Variants in CFLAR observed in about 807,000 individuals in gnomAD.
CFLAR encodes the protein CASP8 and FADD like apoptosis regulator.
A neutral mutation model predicts 51.1 loss-of-function variants in CFLAR; 14 were observed. The ratio of observed to expected loss-of-function variants is 0.27; its 90% CI spans 0.18 to 0.43. The LOEUF (loss-of-function observed/expected upper bound fraction) is 0.43. Among genes scored for constraint, CFLAR ranks in the 20% least tolerant of loss-of-function variants. CFLAR has a pLI of 1.00. For synonymous variants in CFLAR, 210 were observed against 211.6 expected (o/e 0.99, Z 0.06); for missense variants, 390 against 566.5 (o/e 0.69, Z 3.16).
rs534864335 is a variant in CFLAR, at chr2:201,176,244, G to C, written c.*12271G>C. On this transcript the variant is annotated 3_prime_UTR_variant, in exon 10 of 10. Coordinates refer to ENST00000309955, the MANE Select transcript of CFLAR (RefSeq NM_003879.7). ...TTCCCCACTCCTGAGATCTTTTTGA[G>C]AAGCTGATGATCAGTCTCAGGTGTT... The C allele has an allele frequency of 7.5e-6, 1 of 133,730 alleles. No individual in the cohort carries two copies. The highest frequency in any genetic ancestry group is 1.6e-5 in the Non-Finnish European group (1 of 64,238). 8.3% of individuals were successfully genotyped at this position (133,730 alleles called of 1,614,324 possible).
chr2:201,140,634 T>C (rs1427519928), intron 5 of CFLAR, 195 bp downstream of exon 5: 4 of 518,970 alleles, frequency 7.7e-6, no homozygotes, highest in East Asian at 7.0e-5. Context: ...TTGGAGACTA[T>C]AGAGAAAGAT....
chr2:201,151,013 A>G (rs990059252), intron 8 of CFLAR: 2 of 152,228 alleles, frequency 1.3e-5, no homozygotes, highest in Non-Finnish European at 2.9e-5. Context: ...TTCACATATT[A>G]TCACATGCCC....
At chr2:201,147,234 A>G (rs963159860) in intron 6 of CFLAR, among the ~76,000 whole-genome samples, 1 of 152,184 alleles carries the variant, frequency 6.6e-6, no homozygotes, top group Non-Finnish European at 1.5e-5. Flanking sequence ...CTAATAAAAG[A>G]AAAAGGTTTC....
intron 1 of CFLAR, among the ~76,000 whole-genome samples, chr2:201,128,269 T>C (rs574422432): frequency 6.6e-6 from 1 of 152,346 alleles, no homozygotes; most frequent in East Asian, 1.9e-4. Context: ...AAAGCACTGT[T>C]GGCCTGCGAG....
intron 8 of CFLAR, among the ~76,000 whole-genome samples, chr2:201,155,637 T>C (rs1481929864): frequency 1.3e-5 from 2 of 151,934 alleles, no homozygotes; most frequent in Admixed American, 1.3e-4. Flanking sequence ...TTCCTTTTCT[T>C]TTTTGAGACA....
Position 201,133,131 on chromosome 2 carries a change from G to A in CFLAR, c.384G>A (p.Glu128=). The A allele has an allele frequency of 6.2e-7, 1 of 1,611,420 alleles. No individual in the cohort carries two copies. Among genetic ancestry groups the A allele is most frequent in the Non-Finnish European group, 8.5e-7 (1 of 1,177,538 alleles). ...DYMGRGKISK[E]KSFLDLVVEL... is the part of the protein sequence containing the mutation. ...TGGGCCGAGGCAAGATAAGCAAGGA[G>A]AAGGTGAGTTTTCTTCTTTTGGTTC... The change falls in exon 3 of 10, where the codon GAG becomes GAA. Residue 128 remains glutamate, a synonymous_variant. Coordinates refer to ENST00000309955, the MANE Select transcript of CFLAR (RefSeq NM_003879.7).
intron 1 of CFLAR, among the ~76,000 whole-genome samples, chr2:201,126,537 G>A (rs2048734557): frequency 6.6e-6 from 1 of 152,218 alleles, no homozygotes; most frequent in Admixed American, 6.5e-5. Flanking sequence ...AAGGCTAAGT[G>A]ATTAAAGGAA....
intron 4 of CFLAR, chr2:201,137,597 G>A: frequency 1.3e-6 from 1 of 746,616 alleles, no homozygotes; most frequent in Non-Finnish European, 2.5e-6. Context: ...TCTCAAACTT[G>A]AGCTCCCCTG....
Position 201,145,380 on chromosome 2 carries a change from C to G in CFLAR, c.609C>G (p.Leu203=). 5 of 1,600,268 alleles carry G rather than the reference C, an allele frequency of 3.1e-6. No homozygotes were observed. The highest frequency in any genetic ancestry group is 4.3e-6 in the Non-Finnish European group (5 of 1,168,076). ...SLKDPSNNFR[L]HNGRSKEQRL... ...GACCTTATTCTTTGTATTTGAAGCT[C>G]CATAATGGGAGAAGTAAAGAACAAA... The change falls in exon 6 of 10, where the codon CTC becomes CTG. Residue 203 remains leucine, a splice_region_variant and synonymous_variant. Coordinates refer to ENST00000309955, the MANE Select transcript of CFLAR (RefSeq NM_003879.7).
chr2:201,135,019 T>A (rs1178836928), intron 3 of CFLAR, among the ~76,000 whole-genome samples: 3 of 152,248 alleles, frequency 2.0e-5, no homozygotes, highest in African/African-American at 7.2e-5. Flanking sequence ...AAAATAAAGA[T>A]AGCACTTCAG....
In CFLAR at chr2:201,116,735, C is replaced by T. The variant is rs2047629773; in HGVS notation, c.-138+254C>T. Reference sequence around the variant, plus strand: ...CCTTATCTCGGTTGTTTACCGCGGGCTTTGCGGAATGCCCCCGCTTCCGTT... The same window carrying T: ...CCTTATCTCGGTTGTTTACCGCGGGTTTTGCGGAATGCCCCCGCTTCCGTT... On this transcript the variant is annotated intron_variant, in intron 1 of 9. Transcript: ENST00000309955. The surrounding 1 kb of genome is among the most constrained non-coding windows in gnomAD (Gnocchi z 4.8). 6.6e-6 allele frequency: 1 copy of T among 152,268 alleles called. No homozygotes were observed. Among genetic ancestry groups the T allele is most frequent in the Admixed American group, 6.5e-5 (1 of 15,284 alleles). 9.4% of individuals were successfully genotyped at this position (152,268 alleles called of 1,614,324 possible). A position where few individuals can be genotyped will look rare whatever the true frequency, so the allele number is the denominator to read the frequency against.
intron 1 of CFLAR, among the ~76,000 whole-genome samples, chr2:201,120,580 T>G (rs1288624926): frequency 6.6e-6 from 1 of 152,178 alleles, no homozygotes; most frequent in Non-Finnish European, 1.5e-5. Context: ...AATGAATAAT[T>G]TATATGTATA....
intron 6 of CFLAR, chr2:201,146,665 T>A (rs1259549763): frequency 6.6e-6 from 1 of 152,318 alleles, no homozygotes; most frequent in Non-Finnish European, 1.5e-5. Flanking sequence ...CACATGGCTG[T>A]GGTTCCGAAC....
chr2:201,141,174 G>A (rs1938735855), intron 5 of CFLAR, among the ~76,000 whole-genome samples: 1 of 152,164 alleles, frequency 6.6e-6, no homozygotes, highest in South Asian at 2.1e-4. Context: ...GGAGGTTGCA[G>A]TAGCCAAATC....
chr2:201,171,884 GACCATCTGGA>G lies in CFLAR; in HGVS notation c.*7915_*7924del, dbSNP rs1441089722. The G allele has an allele frequency of 2.0e-5, 3 of 151,958 alleles. No homozygotes were observed. The highest frequency in any genetic ancestry group is 2.9e-5 in the Non-Finnish European group (2 of 68,040). The allele number at this position is 151,958 out of a possible 1,614,324, so 9.4% of individuals were successfully genotyped here. A position where few individuals can be genotyped will look rare whatever the true frequency, so the allele number is the denominator to read the frequency against. ...TGGTTCTGGTGATTGTATATTTCTG[GACCATCTGGA>G]ACCCCAGCATATCACCCTACCCCAC... On this transcript the variant is annotated 3_prime_UTR_variant, in exon 10 of 10. Transcript: ENST00000309955.
In CFLAR at chr2:201,166,253, C is replaced by T. The variant is rs554476055; in HGVS notation, c.*2280C>T. ...CTCCCCGACGGGGCGGCTGGCCGGG[C>T]GGGGGCTGACCCCCACGCCTCCCTC... is the stretch of plus-strand genomic sequence containing the variant. On this transcript the variant is annotated 3_prime_UTR_variant, in exon 10 of 10. Coordinates refer to ENST00000309955, the MANE Select transcript of CFLAR (RefSeq NM_003879.7). The T allele has an allele frequency of 4.9e-5, 7 of 143,438 alleles. No individual in the cohort carries two copies. Among genetic ancestry groups the T allele is most frequent in the Middle Eastern group, 3.4e-3 (1 of 292 alleles). 8.9% of individuals were successfully genotyped at this position (143,438 alleles called of 1,614,324 possible).
At position 201,168,267 on chromosome 2, in the gene CFLAR, A is replaced by G. The variant is rs1292891187; in HGVS notation, c.*4294A>G. 1.3e-5 allele frequency: 2 copies of G among 152,042 alleles called. No homozygotes were observed. Among genetic ancestry groups the G allele is most frequent in the African/African-American group, 4.8e-5 (2 of 41,370 alleles). 9.4% of individuals were successfully genotyped at this position (152,042 alleles called of 1,614,324 possible). ...AAAAATAAATAAATAAATAAATAAT[A>G]AATAAAATGTTTGGAATGTTGGCTT... is the stretch of plus-strand genomic sequence containing the variant. On this transcript the variant is annotated 3_prime_UTR_variant, in exon 10 of 10. Transcript: ENST00000309955.
chr2:201,118,496 A>C lies in CFLAR; in HGVS notation c.-138+2015A>C, dbSNP rs2047839157. ...GGGGGCGCAGCGGCTGTCCCCACTC[A>C]GTCCTGGTGGGGTCGCACGTAACGG... On this transcript the variant is annotated intron_variant, in intron 1 of 9. Coordinates refer to ENST00000309955, the MANE Select transcript of CFLAR (RefSeq NM_003879.7). The surrounding 1 kb of genome is among the most constrained non-coding windows in gnomAD (Gnocchi z 5.1). 6.6e-6 allele frequency: 1 copy of C among 152,178 alleles called. No homozygotes were observed. Among genetic ancestry groups the C allele is most frequent in the Non-Finnish European group, 1.5e-5 (1 of 68,054 alleles). The allele number at this position is 152,178 out of a possible 1,614,324, so 9.4% of individuals were successfully genotyped here.
intron 1 of CFLAR, among the ~76,000 whole-genome samples, chr2:201,126,109 G>A (rs1343486711): frequency 6.6e-6 from 1 of 152,108 alleles, no homozygotes; most frequent in Non-Finnish European, 1.5e-5. Context: ...TTTAGCCGGC[G>A]GCCAAGAGAC....
Sources: allele counts gnomAD v4.1 joint callset (sites outside exome capture counted in the v4.1 genomes callset), GRCh38; gene constraint gnomAD v4.1.1; non-coding constraint Gnocchi (gnomAD v3.1); transcripts MANE v1.5; gene names NCBI Gene and HGNC (gene_info 2026-07-23, HGNC 2026-07-21).